The following PABPC4L variants were observed in gnomAD, a reference collection of about 807,000 sequenced individuals.
The protein encoded by PABPC4L is poly(A) binding protein cytoplasmic 4 like, also known as polyadenylate-binding protein 4-like.
For synonymous variants in PABPC4L, 169 were observed against 164.1 expected, an observed-to-expected ratio of 1.03 and a Z score of -0.23; for missense variants, 452 against 451.4, an observed-to-expected ratio of 1.00 and a Z score of -0.01.
At chr4:134,089,886 GCATCCACTACGGATCTTGGAA>G in the PABPC4L span, among the ~76,000 whole-genome samples, 4 of 152,020 alleles carry the variant, frequency 2.6e-5, no homozygotes, top group Non-Finnish European at 5.9e-5. Flanking sequence ...ATGGTTGTAG[GCATCCACTACGGATCTTGGAA>G]CATACCCTTC....
the PABPC4L span, among the ~76,000 whole-genome samples, chr4:134,025,544 T>C: frequency 1.1e-4 from 16 of 152,230 alleles, no homozygotes; most frequent in African/African-American, 3.4e-4. Context: ...TCTATGACTG[T>C]AAATAAGAGC....
chr4:134,085,124 A>G, the PABPC4L span, among the ~76,000 whole-genome samples: 1 of 151,998 alleles, frequency 6.6e-6, no homozygotes, highest in Non-Finnish European at 1.5e-5. Flanking sequence ...ATCAGTTGAG[A>G]AAGGTTGAGC....
chr4:134,121,218 T>C, the PABPC4L span, among the ~76,000 whole-genome samples: 1 of 151,322 alleles, frequency 6.6e-6, no homozygotes, highest in Admixed American at 6.6e-5. Context: ...TTAAAAAATA[T>C]ATAAATTATA....
chr4:134,079,075 G>A, the PABPC4L span, among the ~76,000 whole-genome samples: 2 of 143,838 alleles, frequency 1.4e-5, no homozygotes, highest in Non-Finnish European at 3.0e-5. Context: ...GTGTTCAAGC[G>A]ATTCTTCTGC....
At chr4:134,032,878 A>G in the PABPC4L span, among the ~76,000 whole-genome samples, 1 of 151,906 alleles carries the variant, frequency 6.6e-6, no homozygotes, top group African/African-American at 2.4e-5. Context: ...TGCTGTGACC[A>G]TTACTGTCGT....
At chr4:134,031,677 G>A in the PABPC4L span, among the ~76,000 whole-genome samples, 1 of 151,886 alleles carries the variant, frequency 6.6e-6, no homozygotes, top group Non-Finnish European at 1.5e-5. Flanking sequence ...GCAACTCATA[G>A]CTCCATTGGA....
chr4:133,968,518 T>C, the PABPC4L span, among the ~76,000 whole-genome samples: 2 of 152,248 alleles, frequency 1.3e-5, no homozygotes, highest in South Asian at 2.1e-4. Context: ...TCACCATCAA[T>C]AGCGACAGGA....
At chr4:133,979,695 AAATC>A in the PABPC4L span, among the ~76,000 whole-genome samples, 1 of 152,192 alleles carries the variant, frequency 6.6e-6, no homozygotes, top group Non-Finnish European at 1.5e-5. Flanking sequence ...TTTTGCAAAG[AAATC>A]AATCAGTTTT....
At chr4:134,129,609 A>AAAATTTAAATTTAAATTTAAGTTTAATT in the PABPC4L span, among the ~76,000 whole-genome samples, 20 of 152,082 alleles carry the variant, frequency 1.3e-4, no homozygotes, top group African/African-American at 4.8e-4. Context: ...TGGAAATTTA[A>AAAATTTAAATTTAAATTTAAGTTTAATT]AAATTTAAAT....
the PABPC4L span, among the ~76,000 whole-genome samples, chr4:134,031,265 T>C: frequency 6.6e-6 from 1 of 152,042 alleles, no homozygotes; most frequent in Non-Finnish European, 1.5e-5. Context: ...GTCCTCTAAT[T>C]TGTTTTTCTA....
At chr4:134,076,516 A>G in the PABPC4L span, among the ~76,000 whole-genome samples, 8 of 152,148 alleles carry the variant, frequency 5.3e-5, no homozygotes, top group Non-Finnish European at 7.4e-5. Context: ...CCTCTGACTT[A>G]TATGTGGGGA....
the PABPC4L span, among the ~76,000 whole-genome samples, chr4:134,003,663 G>A: frequency 6.6e-6 from 1 of 151,784 alleles, no homozygotes; most frequent in Non-Finnish European, 1.5e-5. Context: ...CCATGTTCAG[G>A]GAGTTTATAG....
the PABPC4L span, among the ~76,000 whole-genome samples, chr4:134,103,975 G>A: frequency 1.3e-5 from 2 of 151,602 alleles, no homozygotes; most frequent in Non-Finnish European, 3.0e-5. Flanking sequence ...ATCACCTATA[G>A]CATTCATTTG....
chr4:134,027,903 A>G, the PABPC4L span, among the ~76,000 whole-genome samples: 1 of 152,150 alleles, frequency 6.6e-6, no homozygotes, highest in Non-Finnish European at 1.5e-5. Context: ...AAGTGAGAAC[A>G]ATTTACACAA....
chr4:134,156,950 TCC>T, the PABPC4L span, among the ~76,000 whole-genome samples: 1 of 151,882 alleles, frequency 6.6e-6, no homozygotes, highest in Non-Finnish European at 1.5e-5. Context: ...CAAATTCTTC[TCC>T]CTGTTTTCTT....
chr4:134,136,041 A>G, the PABPC4L span, among the ~76,000 whole-genome samples: 1 of 152,152 alleles, frequency 6.6e-6, no homozygotes, highest in African/African-American at 2.4e-5. Context: ...ATAAAAGGGA[A>G]ATATCAGATC....
the PABPC4L span, among the ~76,000 whole-genome samples, chr4:134,179,050 T>A: frequency 1.3e-5 from 2 of 151,758 alleles, no homozygotes; most frequent in South Asian, 4.2e-4. Context: ...ATACAGAGAA[T>A]CCCTCAAAAT....
chr4:134,010,254 G>T, the PABPC4L span, among the ~76,000 whole-genome samples: 1 of 151,904 alleles, frequency 6.6e-6, no homozygotes, highest in East Asian at 1.9e-4. Context: ...TGTCTAAAAT[G>T]TATATTTTAA....
the PABPC4L span, among the ~76,000 whole-genome samples, chr4:134,105,067 T>G: frequency 6.6e-6 from 1 of 151,786 alleles, no homozygotes; most frequent in East Asian, 1.9e-4. Context: ...ACAAAAATTG[T>G]TAATACAACT....
Sources: allele counts gnomAD v4.1 joint callset (sites outside exome capture counted in the v4.1 genomes callset), GRCh38; gene constraint gnomAD v4.1.1; transcripts MANE v1.5; gene names NCBI Gene and HGNC (gene_info 2026-07-23, HGNC 2026-07-21).